The following ZZEF1 variants were observed in gnomAD, a reference collection of about 807,000 sequenced individuals.
The protein encoded by ZZEF1 is zinc finger ZZ-type and EF-hand domain-containing protein 1.
Under a neutral mutation model 342.8 loss-of-function variants are expected in ZZEF1, and 157 were observed. That is an observed-to-expected ratio of 0.46 (90% confidence interval 0.40 to 0.52). The LOEUF (loss-of-function observed/expected upper bound fraction) is 0.52, where lower values mean the gene tolerates loss of function less well. Among genes scored for constraint, ZZEF1 ranks in the 20% least tolerant of loss-of-function variants. The probability of loss-of-function intolerance (pLI) is 0.00; values close to 1 mark genes in which losing one functional copy is unlikely to be tolerated. For missense variants in ZZEF1, 3,480 were observed against 3,725.6 expected (o/e 0.93, Z 1.72); for synonymous variants, 1,505 against 1,429.1 (o/e 1.05, Z -1.20).
At chr17:4,122,542 G>A (rs1256553900) in intron 2 of ZZEF1, among the ~76,000 whole-genome samples, 1 of 152,182 alleles carries the variant, frequency 6.6e-6, no homozygotes, top group Non-Finnish European at 1.5e-5. Context: ...AACATGCCCA[G>A]CTAATTTTTG....
At chr17:4,140,822 T>G (rs1447419804) in intron 1 of ZZEF1, among the ~76,000 whole-genome samples, 1 of 152,020 alleles carries the variant, frequency 6.6e-6, no homozygotes, top group African/African-American at 2.4e-5. Context: ...TACTTCATAT[T>G]CTCATAATAC....
intron 5 of ZZEF1, among the ~76,000 whole-genome samples, chr17:4,112,036 AT>A (rs1283102796): frequency 8.9e-3 from 23 of 2,598 alleles, no homozygotes; most frequent in Middle Eastern, 0.2. Flanking sequence ...CTGTCTAAAT[AT>A]ATATATATAT....
chr17:4,071,258 C>T, intron 25 of ZZEF1: 2 of 224,666 alleles, frequency 8.9e-6, no homozygotes, highest in Non-Finnish European at 1.7e-5. Flanking sequence ...TGGGCTTTGG[C>T]CTGGACCCTG....
chr17:4,137,400 G>C (rs985368819), intron 1 of ZZEF1, among the ~76,000 whole-genome samples: 8 of 152,174 alleles, frequency 5.3e-5, no homozygotes, highest in African/African-American at 1.9e-4. Context: ...CACAAGGTCA[G>C]GAGATCGAGA....
At position 4,017,784 on chromosome 17, in the gene ZZEF1, T is replaced by G. The variant is rs570680078; in HGVS notation, c.7641+52A>C. 5.5e-5 allele frequency: 88 copies of G among 1,613,494 alleles called. No homozygotes were observed. Among genetic ancestry groups the G allele is most frequent in the African/African-American group, 9.3e-5 (7 of 75,012 alleles). ...GTCTAGCCTTCTTACAGTGGTGGTA[T>G]GGGGTGGGGGATGGGGTGCAGATAC... On this transcript the variant is annotated intron_variant, in intron 47 of 54. Transcript: ENST00000381638. This position sits in a 1 kb window ranked among gnomAD's most constrained non-coding sequence, Gnocchi z 5.1.
At chr17:4,037,293 A>T (rs2056694539) in intron 39 of ZZEF1, among the ~76,000 whole-genome samples, 1 of 152,260 alleles carries the variant, frequency 6.6e-6, no homozygotes, top group Non-Finnish European at 1.5e-5. Context: ...TCCAGTGATC[A>T]AAGTAAACAT....
chr17:4,014,058 G>A lies in ZZEF1; in HGVS notation c.8413+32C>T. 1 of 1,596,798 alleles carries A rather than the reference G, an allele frequency of 6.3e-7. No homozygotes were observed. Among genetic ancestry groups the A allele is most frequent in the East Asian group, 2.2e-5 (1 of 44,798 alleles). On this transcript the variant is annotated intron_variant, in intron 51 of 54. Coordinates refer to ENST00000381638, the MANE Select transcript of ZZEF1 (RefSeq NM_015113.4). The surrounding 1 kb of genome is among the most constrained non-coding windows in gnomAD (Gnocchi z 4.4). Reference sequence around the variant, plus strand: ...AGCCATGGAGTGTCCCTGGCAGGCAGATGGTGTGAACGCAAAGCCCAGAGC... The same window carrying A: ...AGCCATGGAGTGTCCCTGGCAGGCAAATGGTGTGAACGCAAAGCCCAGAGC...
chr17:4,083,858 C>G (rs2057770906), intron 16 of ZZEF1, among the ~76,000 whole-genome samples: 1 of 152,148 alleles, frequency 6.6e-6, no homozygotes. Context: ...TTTCTTATGT[C>G]TGCTCATTGG....
At chr17:4,083,020 C>T (rs2603037) in intron 16 of ZZEF1, among the ~76,000 whole-genome samples, 76,659 of 151,998 alleles carry the variant, frequency 0.5, 21,649 homozygotes, top group East Asian at 0.74. Flanking sequence ...AGGTGATCCA[C>T]CCACCTCTGC....
At position 4,092,679 on chromosome 17, in the gene ZZEF1, C is replaced by T. The variant is rs114390080; in HGVS notation, c.1914-1849G>A. Among the ~76,000 whole-genome samples, 876 of 152,188 alleles carry T rather than the reference C, an allele frequency of 5.8e-3. 9 individuals are homozygous for T. Among genetic ancestry groups the T allele is most frequent in the African/African-American group, 0.02 (842 of 41,522 alleles). ...TGACACAGTTAACCCTAATGGGAAA[C>T]GGTATTCTCTTAAGCCAAAACCATG... is the stretch of plus-strand genomic sequence containing the variant. On this transcript the variant is annotated intron_variant, in intron 11 of 54. Coordinates refer to ENST00000381638, the MANE Select transcript of ZZEF1 (RefSeq NM_015113.4).
intron 1 of ZZEF1, among the ~76,000 whole-genome samples, chr17:4,142,306 C>T (rs1182866214): frequency 6.6e-6 from 1 of 152,240 alleles, no homozygotes; most frequent in East Asian, 1.9e-4. Flanking sequence ...TGCATTACAA[C>T]ATACAGAGAG....
intron 14 of ZZEF1, among the ~76,000 whole-genome samples, chr17:4,087,040 C>G (rs1029063244): frequency 1.3e-5 from 2 of 152,174 alleles, no homozygotes; most frequent in Non-Finnish European, 2.9e-5. Context: ...CACCACCACA[C>G]CCAGCTAATT....
intron 39 of ZZEF1, among the ~76,000 whole-genome samples, chr17:4,039,354 C>G (rs1421621143): frequency 6.6e-6 from 1 of 152,032 alleles, no homozygotes. Context: ...CCTGTAATCC[C>G]AGCTACTCGG....
At position 4,082,483 on chromosome 17, in the gene ZZEF1, T is replaced by C; in HGVS notation, c.2668A>G (p.Lys890Glu). 1 of 1,614,130 alleles carries C rather than the reference T, an allele frequency of 6.2e-7. No individual in the cohort carries two copies. The highest frequency in any genetic ancestry group is 2.2e-5 in the East Asian group (1 of 44,886). ...CGGAAAGTGAGCTGCAGGGACTGCT[T>C]GTGCTCCTGCTCGGTGACATTCTTC... ...TMMNVTEQEH[K>E]QSLQLTFRSL... The change falls in exon 17 of 55, where the codon AAG (lysine) becomes GAG (glutamate). Residue 890 changes from lysine (K) to glutamate (E), a missense_variant. Physicochemically the swap from Lys to Glu is moderately conservative, Grantham distance 56. Around this residue, in one of 5 missense-constraint regions of ZZEF1, gnomAD observed 1,528 missense variants for 1,624.1 expected, o/e 0.94. Coordinates refer to ENST00000381638, the MANE Select transcript of ZZEF1 (RefSeq NM_015113.4).
At chr17:4,087,608 C>A in intron 13 of ZZEF1, 74 bp from the exon 14 acceptor site, 1 of 1,294,360 alleles carries the variant, frequency 7.7e-7, no homozygotes, top group African/African-American at 1.5e-5. Flanking sequence ...GCCTCATTTA[C>A]TTCTAATTGT....
intron 37 of ZZEF1, among the ~76,000 whole-genome samples, chr17:4,046,697 C>T (rs1266619296): frequency 2.0e-5 from 3 of 152,144 alleles, no homozygotes; most frequent in African/African-American, 7.2e-5. Context: ...TGAAAAGACC[C>T]GACACCATAC....
At chr17:4,029,949 A>C (rs966097629) in intron 42 of ZZEF1, among the ~76,000 whole-genome samples, 3 of 151,050 alleles carry the variant, frequency 2.0e-5, no homozygotes, top group Non-Finnish European at 3.0e-5. Flanking sequence ...TTATCCCAGC[A>C]CTTTGGGAGG....
At chr17:4,072,823 A>C in intron 24 of ZZEF1, 67 bp from the exon 25 acceptor site, 2 of 1,465,944 alleles carry the variant, frequency 1.4e-6, no homozygotes, top group East Asian at 4.7e-5. Flanking sequence ...CTTTGAAATG[A>C]GAAAGAAAAG....
intron 51 of ZZEF1, 80 bp from the exon 52 acceptor site, chr17:4,013,694 T>C (rs1389881394): frequency 7.2e-7 from 1 of 1,385,136 alleles, no homozygotes; most frequent in Non-Finnish European, 9.6e-7. Flanking sequence ...GTATAACAAT[T>C]GTGTACGTTA....
Sources: allele counts gnomAD v4.1 joint callset (sites outside exome capture counted in the v4.1 genomes callset), GRCh38; gene constraint gnomAD v4.1.1; regional missense constraint gnomAD v4.1.1; non-coding constraint Gnocchi (gnomAD v3.1); transcripts MANE v1.5; gene names NCBI Gene and HGNC (gene_info 2026-07-23, HGNC 2026-07-21).